Variants in CFAP299 observed in about 807,000 individuals in gnomAD.
CFAP299 encodes cilia- and flagella-associated protein 299.
A neutral mutation model predicts 27.0 loss-of-function variants in CFAP299; 21 were observed. The observed-to-expected ratio is 0.78, with a 90% confidence interval of 0.55 to 1.12. The LOEUF (loss-of-function observed/expected upper bound fraction) is 1.12, where lower values mean the gene tolerates loss of function less well. Among genes scored for constraint, CFAP299 ranks in the 50% most tolerant of loss-of-function variants. The pLI is 0.00. For synonymous variants in CFAP299, 104 were observed against 98.1 expected (o/e 1.06, Z -0.36); for missense variants, 310 against 276.6 (o/e 1.12, Z -0.86).
At chr4:80,530,076 G>A (rs1318322598) in intron 2 of CFAP299, among the ~76,000 whole-genome samples, 1 of 152,088 alleles carries the variant, frequency 6.6e-6, no homozygotes, top group East Asian at 1.9e-4. Context: ...TAAAATGCAT[G>A]TGAGTTAGCA....
intron 2 of CFAP299, among the ~76,000 whole-genome samples, chr4:80,393,793 T>A (rs1007657809): frequency 1.3e-5 from 2 of 152,156 alleles, no homozygotes; most frequent in Non-Finnish European, 2.9e-5. Context: ...AAGTAATGCA[T>A]GACTGTACCT....
intron 1 of CFAP299, among the ~76,000 whole-genome samples, chr4:80,359,942 C>T (rs751801167): frequency 5.3e-5 from 8 of 152,174 alleles, no homozygotes; most frequent in Non-Finnish European, 1.2e-4. Flanking sequence ...TTCTTTCACA[C>T]CCTTGTGGGC....
At chr4:80,944,105 A>G (rs557508023) in intron 4 of CFAP299, among the ~76,000 whole-genome samples, 3 of 150,268 alleles carry the variant, frequency 2.0e-5, no homozygotes, top group African/African-American at 7.3e-5. Flanking sequence ...TAAATAAATA[A>G]ATAATACTTG....
chr4:80,821,748 C>G, intron 3 of CFAP299, among the ~76,000 whole-genome samples: 1 of 152,168 alleles, frequency 6.6e-6, no homozygotes. Context: ...CTGGGCCTCC[C>G]TGTACACAGC....
intron 3 of CFAP299, among the ~76,000 whole-genome samples, chr4:80,789,643 C>T (rs1359011659): frequency 2.0e-5 from 3 of 151,922 alleles, no homozygotes; most frequent in Admixed American, 1.3e-4. Context: ...ATTTATTCTT[C>T]GCATGGCTTA....
At chr4:80,723,930 A>G (rs572279467) in intron 3 of CFAP299, among the ~76,000 whole-genome samples, 1 of 152,220 alleles carries the variant, frequency 6.6e-6, no homozygotes, top group African/African-American at 2.4e-5. Context: ...AGTTTCACCA[A>G]GAAAAATGGA....
At chr4:80,850,072 A>G (rs888519961) in intron 3 of CFAP299, among the ~76,000 whole-genome samples, 2 of 152,156 alleles carry the variant, frequency 1.3e-5, no homozygotes, top group Non-Finnish European at 2.9e-5. Context: ...AATAGAAAAT[A>G]AAAAGTCTGA....
At chr4:80,476,295 A>G (rs1410838410) in intron 2 of CFAP299, among the ~76,000 whole-genome samples, 1 of 152,196 alleles carries the variant, frequency 6.6e-6, no homozygotes, top group Non-Finnish European at 1.5e-5. Context: ...TAATAGGAGA[A>G]AAGACAAGGT....
In CFAP299 at chr4:80,823,261, T is replaced by C. The variant is rs540049925; in HGVS notation, c.334-46732T>C. ...GGCTTTTCTATTTCCTGTCTCACCC[T>C]AGTTTAGGCCTTCACCTGCCTCCCT... On this transcript the variant is annotated intron_variant, in intron 3 of 5. Transcript: ENST00000358105. 1.3e-3 allele frequency among the ~76,000 whole-genome samples: 198 copies of C among 152,270 alleles called. 2 individuals are homozygous for C. The highest frequency in any genetic ancestry group is 4.6e-3 in the African/African-American group (190 of 41,572).
chr4:80,387,629 C>T, intron 2 of CFAP299: 2 of 1,450,460 alleles, frequency 1.4e-6, no homozygotes, highest in Non-Finnish European at 1.9e-6. Flanking sequence ...CCACCGTGTC[C>T]TGAAGGCCAT....
intron 2 of CFAP299, among the ~76,000 whole-genome samples, chr4:80,465,607 T>C (rs1247194176): frequency 3.3e-5 from 5 of 152,160 alleles, no homozygotes; most frequent in Non-Finnish European, 5.9e-5. Context: ...TGCTATATTA[T>C]GAGAAATTAA....
intron 2 of CFAP299, among the ~76,000 whole-genome samples, chr4:80,531,751 T>G (rs956531605): frequency 5.4e-4 from 68 of 126,096 alleles, no homozygotes; most frequent in Non-Finnish European, 1.0e-3. Context: ...ATAGAAGTTT[T>G]TTTTTTTTTT....
At chr4:80,339,695 T>G (rs1722345531) in intron 1 of CFAP299, among the ~76,000 whole-genome samples, 1 of 152,242 alleles carries the variant, frequency 6.6e-6, no homozygotes, top group South Asian at 2.1e-4. Context: ...GTTAGTATTA[T>G]CTAACCTAAT....
chr4:80,791,120 A>G lies in CFAP299; in HGVS notation c.334-78873A>G, dbSNP rs572120118. On this transcript the variant is annotated intron_variant, in intron 3 of 5. Coordinates refer to ENST00000358105, the MANE Select transcript of CFAP299 (RefSeq NM_152770.3). ...TAACCATCTTCAAAGAAACATGAAC[A>G]CAGTATTAGGGTGAATGCTCTGATC... Among the ~76,000 whole-genome samples, 131 of 152,158 alleles carry G rather than the reference A, an allele frequency of 8.6e-4. 1 individual carries two copies. Among genetic ancestry groups the G allele is most frequent in the African/African-American group, 3.0e-3 (126 of 41,546 alleles).
At chr4:80,653,995 G>A (rs1024460701) in intron 3 of CFAP299, among the ~76,000 whole-genome samples, 3 of 152,052 alleles carry the variant, frequency 2.0e-5, no homozygotes, top group Admixed American at 2.0e-4. Context: ...AATGTGGTGG[G>A]AAAGAACTAA....
At chr4:80,902,401 C>G in intron 4 of CFAP299, among the ~76,000 whole-genome samples, 1 of 117,878 alleles carries the variant, frequency 8.5e-6, no homozygotes, top group African/African-American at 4.2e-5. Context: ...ATGAAATATA[C>G]TTTATATAAA....
intron 2 of CFAP299, among the ~76,000 whole-genome samples, chr4:80,541,359 G>C (rs1410009346): frequency 1.3e-5 from 2 of 152,108 alleles, no homozygotes; most frequent in Non-Finnish European, 2.9e-5. Context: ...TTTCTTCAAA[G>C]AAACAGATGG....
chr4:80,752,931 G>C (rs985000890), intron 3 of CFAP299, among the ~76,000 whole-genome samples: 4 of 151,422 alleles, frequency 2.6e-5, no homozygotes, highest in African/African-American at 9.7e-5. Flanking sequence ...CCTCATCCTT[G>C]TGCTATTATT....
rs1032699478 is a variant in CFAP299, at chr4:80,736,984, T to G, written c.334-133009T>G. On this transcript the variant is annotated intron_variant, in intron 3 of 5. Transcript: ENST00000358105. ...TACACCATGGAATACTACGCAGCCATAAAAAATGATGAGTTCATGTCCTTT... is the reference window on the plus strand; with the variant it reads ...TACACCATGGAATACTACGCAGCCAGAAAAAATGATGAGTTCATGTCCTTT... 7.9e-5 allele frequency among the ~76,000 whole-genome samples: 12 copies of G among 151,964 alleles called. 1 individual carries two copies. The highest frequency in any genetic ancestry group is 1.5e-4 in the Non-Finnish European group (10 of 68,004).
Sources: allele counts gnomAD v4.1 joint callset (sites outside exome capture counted in the v4.1 genomes callset), GRCh38; gene constraint gnomAD v4.1.1; transcripts MANE v1.5; gene names NCBI Gene and HGNC (gene_info 2026-07-23, HGNC 2026-07-21).